CASZ1: variants seen among roughly 807,000 people sequenced by gnomAD.
The protein encoded by CASZ1 is zinc finger protein castor homolog 1.
Under a neutral mutation model 135.2 loss-of-function variants are expected in CASZ1, and 28 were observed. That is an observed-to-expected ratio of 0.21 (90% CI 0.15 to 0.28). The LOEUF (loss-of-function observed/expected upper bound fraction) is 0.28, where lower values mean the gene tolerates loss of function less well. Among genes scored for constraint, CASZ1 ranks in the 10% least tolerant of loss-of-function variants. The pLI is 1.00. For missense variants in CASZ1, 2,161 were observed against 2,453.3 expected (o/e 0.88, Z 2.52); for synonymous variants, 1,068 against 1,073.4 (o/e 0.99, Z 0.10).
chr1:10,649,767 A>G (rs1042838305), intron 13 of CASZ1: 94 of 223,928 alleles, frequency 4.2e-4, no homozygotes, highest in African/African-American at 1.9e-3. Context: ...CTCCCTGGTT[A>G]TTTTCCTGCC....
At position 10,717,160 on chromosome 1, in the gene CASZ1, C is replaced by T. The variant is rs1639409727; in HGVS notation, c.-76-11616G>A. 6.6e-6 allele frequency among the ~76,000 whole-genome samples: 1 copy of T among 152,152 alleles called. No individual in the cohort carries two copies. The highest frequency in any genetic ancestry group is 1.5e-5 in the Non-Finnish European group (1 of 68,032). On this transcript the variant is annotated intron_variant, in intron 2 of 20. Coordinates refer to ENST00000377022, the MANE Select transcript of CASZ1 (RefSeq NM_001079843.3). This position sits in a 1 kb window ranked among gnomAD's most constrained non-coding sequence, Gnocchi z 4.6. ...TAATAAGCCCTTTCTCTGGAAGAAT[C>T]AAAATCATTATAGTATTTTTACCTA...
chr1:10,765,356 G>A (rs542073628), intron 1 of CASZ1, among the ~76,000 whole-genome samples: 1 of 150,858 alleles, frequency 6.6e-6, no homozygotes, highest in South Asian at 2.1e-4. Context: ...ACACAGACGT[G>A]CACATTGCCC....
intron 4 of CASZ1, among the ~76,000 whole-genome samples, chr1:10,675,569 G>A (rs1643541159): frequency 6.6e-6 from 1 of 152,076 alleles, no homozygotes; most frequent in Admixed American, 6.5e-5. Flanking sequence ...ACTCCGCACG[G>A]ACCTGGCTGG....
Position 10,757,547 on chromosome 1 carries a change from G to C in CASZ1, c.-77+3154C>G, listed in dbSNP as rs374650219. On this transcript the variant is annotated intron_variant, in intron 2 of 20. Transcript: ENST00000377022. The surrounding 1 kb of genome is among the most constrained non-coding windows in gnomAD (Gnocchi z 4.6). ...TCATGCCTGTAATCCCAGCACCTTG[G>C]GGGGCTGAGGTGGGTGGATCACTTG... Among the ~76,000 whole-genome samples, 137 of 152,250 alleles carry C rather than the reference G, an allele frequency of 9.0e-4. 2 individuals carry two copies. In the South Asian group the frequency reaches 0.027, roughly 30 times the overall value.
chr1:10,649,790 AAAG>A (rs1376856369), intron 13 of CASZ1: 3 of 196,748 alleles, frequency 1.5e-5, no homozygotes, highest in African/African-American at 2.3e-5. Flanking sequence ...AAGGTTTTCA[AAAG>A]AAGCGCAGAA....
At position 10,657,099 on chromosome 1, in the gene CASZ1, A is replaced by G. The variant is rs1570425249; in HGVS notation, c.1410-363T>C. On this transcript the variant is annotated intron_variant, in intron 7 of 20. Transcript: ENST00000377022. The surrounding 1 kb of genome is among the most constrained non-coding windows in gnomAD (Gnocchi z 5.7). The stretch of plus-strand genomic sequence containing the variant: ...AGCCCGCCCAGTTCTGGCCAGGTGC[A>G]GAGACCCTGGCTGGGCCAGCCGGGC... Among the ~76,000 whole-genome samples, 1 of 152,338 alleles carries G rather than the reference A, an allele frequency of 6.6e-6. No individual in the cohort carries two copies. Among genetic ancestry groups the G allele is most frequent in the East Asian group, 1.9e-4 (1 of 5,186 alleles).
At chr1:10,665,626 C>A in intron 4 of CASZ1, 55 bp from the exon 5 acceptor site, 2 of 1,475,188 alleles carry the variant, frequency 1.4e-6, no homozygotes, top group Non-Finnish European at 1.8e-6. Context: ...CAAGAACAAC[C>A]CACCCTCCCG....
At chr1:10,733,850 G>A (rs1050062823) in intron 2 of CASZ1, among the ~76,000 whole-genome samples, 1 of 152,190 alleles carries the variant, frequency 6.6e-6, no homozygotes, top group Non-Finnish European at 1.5e-5. Context: ...AAAATCAGAG[G>A]TGATATTGGC....
At chr1:10,744,416 G>A (rs1427689889) in intron 2 of CASZ1, among the ~76,000 whole-genome samples, 2 of 93,308 alleles carry the variant, frequency 2.1e-5, no homozygotes, top group Non-Finnish European at 4.4e-5. Context: ...GGCATGTCCT[G>A]GGCACCACGA....
rs148376461 is a variant in CASZ1 at position 10,775,677 on chromosome 1, CT to C, written c.-233-14821del. ...GAGCAGAGCAGTTGGTCTACCTGCC[CT>C]CTCTAGGCACAGAGGGTAGGGTTGC... is the stretch of plus-strand genomic sequence containing the variant. On this transcript the variant is annotated intron_variant, in intron 1 of 20. Transcript: ENST00000377022. 9.0e-3 allele frequency among the ~76,000 whole-genome samples: 1,364 copies of C among 152,300 alleles called. 17 individuals are homozygous for C. The highest frequency in any genetic ancestry group is 0.032 in the African/African-American group (1,310 of 41,560).
intron 1 of CASZ1, among the ~76,000 whole-genome samples, chr1:10,770,220 G>C (rs1425624242): frequency 6.6e-6 from 1 of 151,994 alleles, no homozygotes; most frequent in Non-Finnish European, 1.5e-5. Context: ...AAGTAGCTGG[G>C]ACTACAGATG....
chr1:10,686,167 A>C (rs112090348), intron 4 of CASZ1, among the ~76,000 whole-genome samples: 110 of 150,836 alleles, frequency 7.3e-4, no homozygotes, highest in Middle Eastern at 3.4e-3. Flanking sequence ...CTCTCCTTAC[A>C]TGCCCTTGGC....
intron 4 of CASZ1, among the ~76,000 whole-genome samples, chr1:10,692,176 A>G (rs893843288): frequency 1.3e-5 from 2 of 152,196 alleles, no homozygotes; most frequent in African/African-American, 4.8e-5. Flanking sequence ...TACTGTCCCC[A>G]CGACAGACTT....
intron 1 of CASZ1, among the ~76,000 whole-genome samples, chr1:10,779,188 C>T (rs1570585798): frequency 6.6e-6 from 1 of 151,950 alleles, no homozygotes; most frequent in African/African-American, 2.4e-5. Flanking sequence ...AGCCCCACCC[C>T]GTCTTCCCTG....
Position 10,767,079 on chromosome 1 carries a change from G to A in CASZ1, c.-233-6222C>T, listed in dbSNP as rs77624153. ...TTCAGAAGGAAAACAGAAATCCTCT[G>A]CGCCCGTTGACTGCTGATGGAAGGA... On this transcript the variant is annotated intron_variant, in intron 1 of 20. Transcript: ENST00000377022. This position sits in a 1 kb window ranked among gnomAD's most constrained non-coding sequence, Gnocchi z 4.2. 6.7e-3 allele frequency among the ~76,000 whole-genome samples: 1,019 copies of A among 152,324 alleles called. 14 individuals are homozygous for A. Among genetic ancestry groups the A allele is most frequent in the African/African-American group, 0.023 (938 of 41,570 alleles).
chr1:10,658,469 C>A, intron 7 of CASZ1, 39 bp downstream of exon 7: 7 of 1,567,180 alleles, frequency 4.5e-6, no homozygotes, highest in South Asian at 1.1e-5. Flanking sequence ...CCTGGCCCCC[C>A]ACCTTCTCTC....
chr1:10,738,351 A>C (rs1033115501), intron 2 of CASZ1, among the ~76,000 whole-genome samples: 14 of 152,068 alleles, frequency 9.2e-5, no homozygotes, highest in Non-Finnish European at 1.6e-4. Flanking sequence ...GACGCAGAGC[A>C]CCCCACCCAC....
At chr1:10,654,679 G>C in intron 9 of CASZ1, 88 bp from the exon 10 acceptor site, 1 of 1,295,084 alleles carries the variant, frequency 7.7e-7, no homozygotes, top group Non-Finnish European at 1.1e-6. Context: ...TGGGGCCACT[G>C]ACTTCCCTGC....
intron 5 of CASZ1, among the ~76,000 whole-genome samples, chr1:10,662,236 CATACAT>C (rs1357473548): frequency 7.7e-6 from 1 of 130,352 alleles, no homozygotes; most frequent in Non-Finnish European, 1.6e-5. Context: ...AAAACACACA[CATACAT>C]TGACACCCAC....
Sources: gnomAD v4.1 joint callset for allele counts (sites outside exome capture counted in the v4.1 genomes callset) on GRCh38, gnomAD v4.1.1 for gene constraint, Gnocchi (gnomAD v3.1) non-coding constraint, MANE v1.5 for transcripts, NCBI Gene and HGNC (gene_info 2026-07-23, HGNC 2026-07-21) for gene names.